Variants in MB21D2 observed in about 807,000 individuals in gnomAD.
The protein encoded by MB21D2 is Mab-21 domain containing 2.
In MB21D2, 9 loss-of-function variants were observed where a neutral mutation model predicts 33.3. That is an observed-to-expected ratio of 0.27 (90% CI 0.16 to 0.47). MB21D2 has a LOEUF of 0.47. Ranked by LOEUF, MB21D2 falls within the 20% of genes least tolerant of loss-of-function variation. The pLI, the probability that MB21D2 is intolerant of heterozygous loss-of-function variation, is 0.99. For missense variants in MB21D2, 540 were observed against 624.6 expected (o/e 0.86, Z 1.44); for synonymous variants, 241 against 236.3 (o/e 1.02, Z -0.18).
intron 1 of MB21D2, among the ~76,000 whole-genome samples, chr3:192,818,798 T>C (rs1319973225): frequency 2.6e-5 from 4 of 152,148 alleles, no homozygotes; most frequent in Admixed American, 6.5e-5. Flanking sequence ...ATGCAGAATA[T>C]GAGGATTTTA....
chr3:192,813,243 T>A (rs1228956405), intron 1 of MB21D2, among the ~76,000 whole-genome samples: 1 of 151,650 alleles, frequency 6.6e-6, no homozygotes, highest in African/African-American at 2.4e-5. Flanking sequence ...GGGTTCCCAA[T>A]GCATATTCAG....
chr3:192,916,833 G>A (rs574046553), intron 1 of MB21D2, among the ~76,000 whole-genome samples: 1 of 152,138 alleles, frequency 6.6e-6, no homozygotes, highest in Non-Finnish European at 1.5e-5. Context: ...TCCGCGGTTG[G>A]AAACTCTGGG....
At chr3:192,887,970 G>A (rs568015276) in intron 1 of MB21D2, among the ~76,000 whole-genome samples, 10 of 152,110 alleles carry the variant, frequency 6.6e-5, no homozygotes, top group Non-Finnish European at 1.3e-4. Context: ...TGAGGAACAA[G>A]GCAACAGGGG....
chr3:192,884,583 G>C (rs1048949671), intron 1 of MB21D2, among the ~76,000 whole-genome samples: 3 of 151,966 alleles, frequency 2.0e-5, no homozygotes, highest in African/African-American at 4.8e-5. Flanking sequence ...TAGCCAGGAT[G>C]GTCTTGATCT....
chr3:192,830,263 TGTGTGTGG>T (rs750224542), intron 1 of MB21D2, among the ~76,000 whole-genome samples: 38 of 133,664 alleles, frequency 2.8e-4, no homozygotes, highest in Non-Finnish European at 5.7e-4. Flanking sequence ...TGTGTGTGTG[TGTGTGTGG>T]GTGTCAAAGG....
At chr3:192,822,673 C>G (rs192570630) in intron 1 of MB21D2, among the ~76,000 whole-genome samples, 249 of 152,272 alleles carry the variant, frequency 1.6e-3, no homozygotes, top group African/African-American at 5.7e-3. Context: ...TGCTTTTCTG[C>G]GTGCAAAACA....
intron 1 of MB21D2, among the ~76,000 whole-genome samples, chr3:192,814,709 C>A (rs1288254111): frequency 6.6e-6 from 1 of 151,754 alleles, no homozygotes; most frequent in Admixed American, 6.6e-5. Context: ...AAAAAAAATA[C>A]AAAAAATTAC....
chr3:192,891,267 AG>A, intron 1 of MB21D2, among the ~76,000 whole-genome samples: 1 of 152,326 alleles, frequency 6.6e-6, no homozygotes, highest in South Asian at 2.1e-4. Flanking sequence ...AATACATTGA[AG>A]GCCGAAACAG....
At chr3:192,878,103 G>GTTTTTT (rs1296544101) in intron 1 of MB21D2, among the ~76,000 whole-genome samples, 37 of 134,216 alleles carry the variant, frequency 2.8e-4, no homozygotes, top group Non-Finnish European at 3.1e-4. Context: ...TTTTTTTTTG[G>GTTTTTT]TTTTTTTTGT....
intron 1 of MB21D2, among the ~76,000 whole-genome samples, chr3:192,897,295 A>G (rs1714000249): frequency 6.6e-6 from 1 of 152,186 alleles, no homozygotes; most frequent in Non-Finnish European, 1.5e-5. Context: ...ACCAATGAGC[A>G]ACAGTGGAAG....
chr3:192,822,340 T>C (rs1257113770), intron 1 of MB21D2, among the ~76,000 whole-genome samples: 2 of 152,150 alleles, frequency 1.3e-5, no homozygotes, highest in Non-Finnish European at 2.9e-5. Context: ...CAAAATAAGA[T>C]TCAACAGAAA....
chr3:192,901,172 C>T (rs1714092069), intron 1 of MB21D2, among the ~76,000 whole-genome samples: 1 of 152,052 alleles, frequency 6.6e-6, no homozygotes, highest in South Asian at 2.1e-4. Context: ...CCCATCAATC[C>T]TCTTCCCCAA....
intron 1 of MB21D2, among the ~76,000 whole-genome samples, chr3:192,838,853 G>T (rs942782424): frequency 2.0e-5 from 3 of 152,326 alleles, no homozygotes; most frequent in Non-Finnish European, 1.5e-5. Context: ...TTGGAGCAGG[G>T]ATAGAAGAGA....
Position 192,860,255 on chromosome 3 carries a change from A to G in MB21D2, c.211+57375T>C, listed in dbSNP as rs534704513. Among the ~76,000 whole-genome samples, 10 of 152,362 alleles carry G rather than the reference A, an allele frequency of 6.6e-5. No homozygotes were observed. In the South Asian group the frequency reaches 1.2e-3, roughly 19 times the overall value. Reference sequence around the variant, plus strand: ...AAGCCAACCAGGGTCTCCCCAGCACAGCAGAGCAGTGATTTTCTACATCCA... The same window carrying G: ...AAGCCAACCAGGGTCTCCCCAGCACGGCAGAGCAGTGATTTTCTACATCCA... On this transcript the variant is annotated intron_variant, in intron 1 of 1. Coordinates refer to ENST00000392452, the MANE Select transcript of MB21D2 (RefSeq NM_178496.4).
rs73888006 is a variant in MB21D2, at chr3:192,890,603, C to T, written c.211+27027G>A. On this transcript the variant is annotated intron_variant, in intron 1 of 1. Coordinates refer to ENST00000392452, the MANE Select transcript of MB21D2 (RefSeq NM_178496.4). ...TGATTACAGAAAAAAAAAAAAAAAT[C>T]CTACCTATAAAGTTCACAGTTGGCA... Among the ~76,000 whole-genome samples, 852 of 151,430 alleles carry T rather than the reference C, an allele frequency of 5.6e-3. 9 individuals are homozygous for T. The highest frequency in any genetic ancestry group is 0.019 in the African/African-American group (788 of 41,158).
intron 1 of MB21D2, among the ~76,000 whole-genome samples, chr3:192,869,351 G>C (rs965577090): frequency 6.7e-6 from 1 of 149,156 alleles, no homozygotes; most frequent in African/African-American, 2.5e-5. Context: ...GGGAGGAAGG[G>C]AGGAAGGGAG....
intron 1 of MB21D2, among the ~76,000 whole-genome samples, chr3:192,850,686 G>A (rs1712781343): frequency 6.6e-6 from 1 of 152,124 alleles, no homozygotes; most frequent in Admixed American, 6.5e-5. Context: ...TGGACTGGGA[G>A]CCCCGTCCCG....
intron 1 of MB21D2, among the ~76,000 whole-genome samples, chr3:192,889,292 G>A (rs911423727): frequency 6.6e-6 from 1 of 151,944 alleles, no homozygotes; most frequent in Non-Finnish European, 1.5e-5. Context: ...ACATAAAAAA[G>A]GGAAAAAATG....
rs1711505290 is a variant in MB21D2 at position 192,799,188 on chromosome 3, C to T, written c.674G>A (p.Gly225Asp). 1.2e-6 allele frequency: 2 copies of T among 1,614,242 alleles called. No homozygotes were observed. The highest frequency in any genetic ancestry group is 1.3e-5 in the African/African-American group (1 of 75,066). Residue 225 changes from glycine to aspartate, a missense_variant, in exon 2 of 2, where the codon GGT (glycine) becomes GAT (aspartate). Gly to Asp is a moderately conservative substitution (Grantham distance 94, BLOSUM62 -1). Transcript: ENST00000392452. The surrounding 1 kb of genome is among the most constrained non-coding windows in gnomAD (Gnocchi z 4.1). ...ATACAACATGCGACTACTCCCTACACCCAGAATGATGGAGATGATGGTCCC... is the reference window on the plus strand; with the variant it reads ...ATACAACATGCGACTACTCCCTACATCCAGAATGATGGAGATGATGGTCCC... Reference protein sequence around the residue: ...KNGTIISIILGVGSSRMLYDI... With the variant: ...KNGTIISIILDVGSSRMLYDI...
Sources: gnomAD v4.1 joint callset for allele counts (sites outside exome capture counted in the v4.1 genomes callset) on GRCh38, gnomAD v4.1.1 for gene constraint, Gnocchi (gnomAD v3.1) non-coding constraint, MANE v1.5 for transcripts, NCBI Gene and HGNC (gene_info 2026-07-23, HGNC 2026-07-21) for gene names.